Variants in KIF1B observed in about 807,000 individuals in gnomAD.
KIF1B encodes the protein kinesin-like protein KIF1B.
KIF1B carries 76 observed loss-of-function variants against 241.9 expected under a neutral mutation model. The observed-to-expected ratio is 0.31, with a 90% CI of 0.26 to 0.38. KIF1B has a LOEUF of 0.38. KIF1B is among the 10% of genes least tolerant of loss of function. The pLI is 1.00. For missense variants in KIF1B, 1,622 were observed against 2,271.4 expected (o/e 0.71, Z 5.81); for synonymous variants, 750 against 796.7 (o/e 0.94, Z 0.99).
intron 22 of KIF1B, chr1:10,305,987 A>G: frequency 1.9e-6 from 2 of 1,051,852 alleles, no homozygotes; most frequent in East Asian, 5.4e-5. Context: ...ACTACAGCCA[A>G]GATAGCAGTT....
chr1:10,296,914 G>A lies in KIF1B; in HGVS notation c.1879G>A (p.Gly627Ser). 6.2e-7 allele frequency: 1 copy of A among 1,613,836 alleles called. No homozygotes were observed. The highest frequency in any genetic ancestry group is 8.5e-7 in the Non-Finnish European group (1 of 1,179,938). The change falls in exon 21 of 49, where the codon GGT becomes AGT. Residue 627 changes from glycine to serine, a missense_variant. Gly to Ser is a moderately conservative substitution (Grantham distance 56, BLOSUM62 0). Around this residue, in one of 7 missense-constraint regions of KIF1B, gnomAD observed 803 missense variants for 1,112.0 expected, o/e 0.72. Transcript: ENST00000676179. Reference protein sequence around the residue: ...QLRSGNRIIMGKNHVFRFNHP... With the variant: ...QLRSGNRIIMSKNHVFRFNHP... ...TGTGCTAGGAAACCGTATCATCATG[G>A]GTAAAAACCATGTTTTCCGCTTTAA...
intron 2 of KIF1B, among the ~76,000 whole-genome samples, chr1:10,248,573 C>A (rs946503): frequency 6.6e-6 from 1 of 151,844 alleles, no homozygotes; most frequent in African/African-American, 2.4e-5. Context: ...TGGGACTCAT[C>A]GATTTCTGAT....
chr1:10,351,815 TAAA>T (rs955317956), intron 37 of KIF1B, among the ~76,000 whole-genome samples: 1 of 151,662 alleles, frequency 6.6e-6, no homozygotes, highest in Non-Finnish European at 1.5e-5. Context: ...AAAAATAAAA[TAAA>T]ATAAAATAGC....
chr1:10,337,000 CAG>C, intron 29 of KIF1B, 72 bp from the exon 30 acceptor site: 1 of 1,590,938 alleles, frequency 6.3e-7, no homozygotes, highest in Non-Finnish European at 8.6e-7. Flanking sequence ...GACAGATAAA[CAG>C]AAGTAAGGCA....
Position 10,379,726 on chromosome 1 carries a change from ATCC to A in KIF1B, c.*3144_*3146del, listed in dbSNP as rs1339892673. Reference sequence around the variant, plus strand: ...CTAATCACCTCCTCCTCTGTCTCTCATCCTCCTTTCTCCCATCAAAGCAAAATA... The same window carrying A: ...CTAATCACCTCCTCCTCTGTCTCTCATCCTTTCTCCCATCAAAGCAAAATA... On this transcript the variant is annotated 3_prime_UTR_variant, in exon 49 of 49. Coordinates refer to ENST00000676179, the MANE Select transcript of KIF1B (RefSeq NM_001365951.3). The A allele has an allele frequency of 7.4e-5, 17 of 230,954 alleles. No individual in the cohort carries two copies. The highest frequency in any genetic ancestry group is 1.3e-3 in the Middle Eastern group (1 of 792). 14.3% of individuals were successfully genotyped at this position (230,954 alleles called of 1,614,324 possible).
chr1:10,304,888 G>T, intron 22 of KIF1B: 1 of 1,367,118 alleles, frequency 7.3e-7, no homozygotes, highest in Middle Eastern at 2.8e-4. Context: ...TTTCTGAAAC[G>T]TTCCTCCTTT....
rs568195604 is a variant in KIF1B, at chr1:10,308,345, C to A, written c.2115+11099C>A. 11 of 1,053,306 alleles carry A rather than the reference C, an allele frequency of 1.0e-5. 1 individual carries two copies. The East Asian group carries it at 5.4e-4, about 52-fold the overall frequency. 65.2% of individuals were successfully genotyped at this position (1,053,306 alleles called of 1,614,324 possible). A position where few individuals can be genotyped will look rare whatever the true frequency, so the allele number is the denominator to read the frequency against. On this transcript the variant is annotated intron_variant, in intron 22 of 48. Transcript: ENST00000676179. ...TCTTTCCCAGATTTTAAAATCTGTT[C>A]TAGATATTCTTAGCTTGAACCACTT... is the stretch of plus-strand genomic sequence containing the variant.
At chr1:10,279,882 G>T (rs1264205770) in intron 14 of KIF1B, among the ~76,000 whole-genome samples, 1 of 151,564 alleles carries the variant, frequency 6.6e-6, no homozygotes, top group Non-Finnish European at 1.5e-5. Flanking sequence ...TTTTTTATTT[G>T]TAGAGGTGAG....
At chr1:10,282,743 G>A (rs1441368264) in intron 15 of KIF1B, among the ~76,000 whole-genome samples, 1 of 151,530 alleles carries the variant, frequency 6.6e-6, no homozygotes, top group Non-Finnish European at 1.5e-5. Context: ...TGGGAGAAGT[G>A]CATGGGCAGT....
chr1:10,220,631 C>T (rs1646832955), intron 1 of KIF1B, among the ~76,000 whole-genome samples: 1 of 152,050 alleles, frequency 6.6e-6, no homozygotes, highest in Admixed American at 6.6e-5. Context: ...TCACTCCAAC[C>T]TGGGCGGTGA....
In KIF1B at chr1:10,275,432, A is replaced by G. The variant is rs141350047; in HGVS notation, c.887A>G (p.Lys296Arg). Residue 296 changes from lysine to arginine, a missense_variant, in exon 11 of 49, where the codon AAA becomes AGA. By Grantham distance (26) the Lys-to-Arg change is conservative. This residue lies in a region of KIF1B where 201 missense variants were observed against 301.2 expected (regional missense o/e 0.67). Coordinates refer to ENST00000676179, the MANE Select transcript of KIF1B (RefSeq NM_001365951.3). ...CCATTTCTTTTCCTTTAATAGAGTAAAAAGAAGAAGAAAACAGATTTTATT... is the reference window on the plus strand; with the variant it reads ...CCATTTCTTTTCCTTTAATAGAGTAGAAAGAAGAAGAAAACAGATTTTATT... ...AEVDNCTSKS[K>R]KKKKTDFIPY... 1.4e-5 allele frequency: 22 copies of G among 1,561,106 alleles called. No homozygotes were observed. In the African/African-American group the frequency reaches 3.0e-4, roughly 21 times the overall value.
At position 10,212,890 on chromosome 1, in the gene KIF1B, GTATATATATATATATA is replaced by G. The variant is rs201066671; in HGVS notation, c.-80+2039_-80+2054del. ...TATGTGTGTGTGTGCATGCGTGTGT[GTATATATATATATATA>G]TATATATATATATATATATATATAT... On this transcript the variant is annotated intron_variant, in intron 1 of 48. Coordinates refer to ENST00000676179, the MANE Select transcript of KIF1B (RefSeq NM_001365951.3). Among the ~76,000 whole-genome samples, 329 of 109,496 alleles carry G rather than the reference GTATATATATATATATA, an allele frequency of 3.0e-3. 4 individuals carry two copies. Among genetic ancestry groups the G allele is most frequent in the African/African-American group, 0.011 (297 of 28,198 alleles). 71.8% of individuals were successfully genotyped at this position (109,496 alleles called of 152,430 possible).
intron 16 of KIF1B, among the ~76,000 whole-genome samples, chr1:10,291,604 C>T (rs1003217253): frequency 3.3e-5 from 5 of 151,182 alleles, no homozygotes; most frequent in African/African-American, 4.9e-5. Context: ...CCCAGCTACT[C>T]GGGAGGCTGA....
intron 48 of KIF1B, 38 bp downstream of exon 48, chr1:10,375,411 C>T (rs761802565): frequency 1.3e-5 from 20 of 1,551,816 alleles, no homozygotes; most frequent in African/African-American, 6.8e-5. Context: ...GTTTTTGAGA[C>T]GGAGTCTCAC....
intron 6 of KIF1B, 51 bp downstream of exon 6, chr1:10,267,609 C>G: frequency 6.3e-7 from 1 of 1,578,428 alleles, no homozygotes; most frequent in East Asian, 2.2e-5. Context: ...CTTTTGAGGT[C>G]CTTTTTTCCC....
At chr1:10,361,635 ACT>A (rs1638425790) in intron 39 of KIF1B, 55 bp from the exon 40 acceptor site, 11 of 1,606,132 alleles carry the variant, frequency 6.8e-6, no homozygotes, top group Admixed American at 1.7e-5. Context: ...TCGTGTATAG[ACT>A]CTAGTCACAG....
rs186370011 is a variant in KIF1B at position 10,222,227 on chromosome 1, A to G, written c.-79-10023A>G. 2.0e-5 allele frequency among the ~76,000 whole-genome samples: 3 copies of G among 152,356 alleles called. No individual in the cohort carries two copies. The East Asian group carries it at 5.8e-4, about 29-fold the overall frequency. On this transcript the variant is annotated intron_variant, in intron 1 of 48. Transcript: ENST00000676179. ...TTAACGCATCCTGCTCCATGGTCTC[A>G]TTTGACCTTGTCCTTGAAAGATGTG... is the stretch of plus-strand genomic sequence containing the variant.
intron 20 of KIF1B, 66 bp from the exon 21 acceptor site, chr1:10,296,831 G>T (rs1650288174): frequency 6.9e-7 from 1 of 1,457,476 alleles, no homozygotes; most frequent in East Asian, 2.4e-5. Context: ...GAGGGGTGAG[G>T]TTGTTAAATA....
chr1:10,211,157 A>G (rs1322384206), intron 1 of KIF1B, among the ~76,000 whole-genome samples: 1 of 152,126 alleles, frequency 6.6e-6, no homozygotes, highest in Admixed American at 6.5e-5. Flanking sequence ...GGCTGTGCCC[A>G]GCGCTCTCCA....
Sources: allele counts gnomAD v4.1 joint callset (sites outside exome capture counted in the v4.1 genomes callset), GRCh38; gene constraint gnomAD v4.1.1; regional missense constraint gnomAD v4.1.1; transcripts MANE v1.5; gene names NCBI Gene and HGNC (gene_info 2026-07-23, HGNC 2026-07-21).